PROM1: variants seen among roughly 807,000 people sequenced by gnomAD.
The protein encoded by PROM1 is prominin 1.
A neutral mutation model predicts 116.9 loss-of-function variants in PROM1; 105 were observed. That is an observed-to-expected ratio of 0.90 (90% CI 0.77 to 1.06). The LOEUF (loss-of-function observed/expected upper bound fraction) is 1.06. PROM1 is among the 50% of genes least tolerant of loss of function. The probability of loss-of-function intolerance (pLI) is 0.00; values close to 1 mark genes in which losing one functional copy is unlikely to be tolerated. For missense variants in PROM1, 1,122 were observed against 1,045.2 expected (o/e 1.07, Z -1.01); for synonymous variants, 393 against 387.0 (o/e 1.02, Z -0.18).
chr4:16,051,593 T>C (rs1737907315), intron 2 of PROM1, among the ~76,000 whole-genome samples: 1 of 152,182 alleles, frequency 6.6e-6, no homozygotes, highest in Admixed American at 6.5e-5. Context: ...TGGCCACAGG[T>C]TGAGTGCAAC....
intron 7 of PROM1, 61 bp from the exon 8 acceptor site, chr4:16,023,476 C>T: frequency 2.3e-6 from 3 of 1,314,070 alleles, no homozygotes; most frequent in South Asian, 1.3e-5. Flanking sequence ...CCACCCCTCC[C>T]TCATTCTCTC....
chr4:15,983,418 G>A (rs1344464614), intron 23 of PROM1, among the ~76,000 whole-genome samples: 1 of 152,226 alleles, frequency 6.6e-6, no homozygotes, highest in African/African-American at 2.4e-5. Context: ...ATGTAGAAGT[G>A]GAATTTTCAT....
chr4:15,970,695 T>C (rs899282355), intron 27 of PROM1, among the ~76,000 whole-genome samples: 15 of 152,158 alleles, frequency 9.9e-5, no homozygotes, highest in Non-Finnish European at 1.5e-5. Flanking sequence ...ACACACATCC[T>C]CCTACATACT....
At chr4:15,993,959 T>C (rs1222215535) in intron 16 of PROM1, 28 bp downstream of exon 16, 3 of 1,607,546 alleles carry the variant, frequency 1.9e-6, no homozygotes, top group South Asian at 1.1e-5. Flanking sequence ...GAATGTGTTA[T>C]GTCGATTCCA....
chr4:16,077,258 G>A (rs1450788966), intron 1 of PROM1, among the ~76,000 whole-genome samples: 1 of 152,230 alleles, frequency 6.6e-6, no homozygotes, highest in East Asian at 1.9e-4. Flanking sequence ...GGCTGGAGGT[G>A]GGACATGCGG....
chr4:16,026,822 T>C (rs1006190407), intron 5 of PROM1, among the ~76,000 whole-genome samples: 9 of 152,340 alleles, frequency 5.9e-5, no homozygotes, highest in Admixed American at 4.6e-4. Context: ...ATATTTCCTA[T>C]GGTCAACAAG....
intron 20 of PROM1, among the ~76,000 whole-genome samples, chr4:15,986,758 T>C (rs375963011): frequency 1.3e-5 from 2 of 152,358 alleles, no homozygotes; most frequent in African/African-American, 4.8e-5. Flanking sequence ...GCGAGGGTCC[T>C]GGAGCAGAGT....
chr4:15,973,225 T>A (rs959730546), intron 26 of PROM1, among the ~76,000 whole-genome samples: 2 of 152,154 alleles, frequency 1.3e-5, no homozygotes, highest in Non-Finnish European at 2.9e-5. Context: ...TTTGGGTAGA[T>A]CACTTGACGT....
intron 2 of PROM1, among the ~76,000 whole-genome samples, chr4:16,053,100 A>G (rs1738249299): frequency 6.6e-6 from 1 of 152,246 alleles, no homozygotes; most frequent in South Asian, 2.1e-4. Context: ...AATGTCCTGC[A>G]TGTCATATTT....
intron 26 of PROM1, among the ~76,000 whole-genome samples, chr4:15,975,864 G>A (rs1331915621): frequency 1.3e-5 from 2 of 152,220 alleles, no homozygotes; most frequent in Non-Finnish European, 2.9e-5. Context: ...CATGAAAGAT[G>A]CTTCAGCGAA....
intron 5 of PROM1, among the ~76,000 whole-genome samples, chr4:16,026,657 G>C (rs1731379516): frequency 6.6e-6 from 1 of 152,080 alleles, no homozygotes; most frequent in Non-Finnish European, 1.5e-5. Flanking sequence ...TGGGTAAATG[G>C]GGACAGTTAT....
chr4:16,031,644 A>C (rs1732714702), intron 5 of PROM1, among the ~76,000 whole-genome samples: 1 of 152,126 alleles, frequency 6.6e-6, no homozygotes. Flanking sequence ...AAGGAGAGAC[A>C]GAAAAGGGAA....
In PROM1 at chr4:15,998,239, A is replaced by C. The variant is rs1213594030; in HGVS notation, c.1682+146T>G. ...GGAATATATTTTTGATCTAATTTCT[A>C]CTGTGTCTTTAAAATAATACAGGAC... is the stretch of plus-strand genomic sequence containing the variant. On this transcript the variant is annotated intron_variant, in intron 15 of 27. Transcript: ENST00000447510. The C allele has an allele frequency of 2.2e-5, 27 of 1,244,214 alleles. No homozygotes were observed. The East Asian group carries it at 8.0e-4, about 37-fold the overall frequency. 77.1% of individuals were successfully genotyped at this position (1,244,214 alleles called of 1,614,324 possible).
chr4:16,005,341 C>A (rs984686873), intron 13 of PROM1, among the ~76,000 whole-genome samples: 3 of 152,218 alleles, frequency 2.0e-5, no homozygotes, highest in South Asian at 2.1e-4. Flanking sequence ...CCCTGGTAGA[C>A]CTCAGGTCAT....
intron 5 of PROM1, among the ~76,000 whole-genome samples, chr4:16,029,780 G>C (rs1732223746): frequency 6.6e-6 from 1 of 152,096 alleles, no homozygotes; most frequent in African/African-American, 2.4e-5. Flanking sequence ...CCAATAAAAG[G>C]CAGGTGGACT....
At chr4:15,999,326 C>G (rs1453623329) in intron 14 of PROM1, among the ~76,000 whole-genome samples, 2 of 151,974 alleles carry the variant, frequency 1.3e-5, no homozygotes, top group African/African-American at 4.8e-5. Flanking sequence ...AAAAAATTAG[C>G]CGCGCGTGGT....
chr4:16,066,015 A>T (rs1167698901), intron 2 of PROM1, among the ~76,000 whole-genome samples: 2 of 152,202 alleles, frequency 1.3e-5, no homozygotes, highest in Non-Finnish European at 2.9e-5. Context: ...GATCCTGGCC[A>T]GGCCAAGGAA....
intron 2 of PROM1, among the ~76,000 whole-genome samples, chr4:16,044,725 C>T (rs1163888041): frequency 1.3e-5 from 2 of 152,174 alleles, no homozygotes; most frequent in Non-Finnish European, 2.9e-5. Flanking sequence ...AAATTAAATA[C>T]TAATTAAAAT....
At chr4:16,008,545 C>G (rs1726084485) in intron 12 of PROM1, among the ~76,000 whole-genome samples, 1 of 152,216 alleles carries the variant, frequency 6.6e-6, no homozygotes, top group Non-Finnish European at 1.5e-5. Flanking sequence ...TTCTTAATTA[C>G]TTTTAAGCTT....
Sources: gnomAD v4.1 joint callset for allele counts (sites outside exome capture counted in the v4.1 genomes callset) on GRCh38, gnomAD v4.1.1 for gene constraint, MANE v1.5 for transcripts, NCBI Gene and HGNC (gene_info 2026-07-23, HGNC 2026-07-21) for gene names.